CCDC178: variants seen among roughly 807,000 people sequenced by gnomAD.
The protein encoded by CCDC178 is coiled-coil domain containing 178, also known as coiled-coil domain-containing protein 178.
In CCDC178, 126 loss-of-function variants were observed where a neutral mutation model predicts 117.4. The ratio of observed to expected loss-of-function variants is 1.07; its 90% CI spans 0.93 to 1.24. The LOEUF is 1.24. CCDC178 is among the 50% of genes most tolerant of loss of function. CCDC178 has a pLI of 0.00. For missense variants in CCDC178, 1,030 were observed against 986.9 expected (o/e 1.04, Z -0.59); for synonymous variants, 283 against 313.4 (o/e 0.90, Z 1.02).
At chr18:33,312,916 C>T (rs1268621368) in intron 11 of CCDC178, among the ~76,000 whole-genome samples, 2 of 152,152 alleles carry the variant, frequency 1.3e-5, no homozygotes, top group Non-Finnish European at 2.9e-5. Context: ...GAAGTATACT[C>T]CAGTGGGCCA....
intron 4 of CCDC178, 70 bp downstream of exon 4, chr18:33,397,079 A>G: frequency 1.0e-6 from 1 of 985,172 alleles, no homozygotes; most frequent in Non-Finnish European, 1.6e-6. Context: ...TCATGCTTAT[A>G]ATTTTTTGAA....
chr18:33,413,631 T>G (rs935371558), intron 2 of CCDC178, among the ~76,000 whole-genome samples: 2 of 152,120 alleles, frequency 1.3e-5, no homozygotes, highest in Non-Finnish European at 2.9e-5. Context: ...AAGGAATACC[T>G]AGTTCCAGAT....
intron 4 of CCDC178, among the ~76,000 whole-genome samples, chr18:33,394,162 G>T (rs7227891): frequency 0.95 from 144,259 of 151,972 alleles, 68,914 homozygotes; most frequent in Middle Eastern, 1. Context: ...AAACATCAGT[G>T]TCATGGTATC....
chr18:33,387,189 T>C (rs138984108), intron 5 of CCDC178, among the ~76,000 whole-genome samples: 1 of 152,188 alleles, frequency 6.6e-6, no homozygotes, highest in African/African-American at 2.4e-5. Flanking sequence ...TACAAACCAC[T>C]GCTCAAGGAT....
At chr18:33,047,643 G>C (rs2056668695) in intron 21 of CCDC178, among the ~76,000 whole-genome samples, 1 of 152,022 alleles carries the variant, frequency 6.6e-6, no homozygotes. Flanking sequence ...TGATCTTCAT[G>C]TCCCTTTGTA....
intron 22 of CCDC178, among the ~76,000 whole-genome samples, chr18:32,967,849 T>C (rs1339553589): frequency 6.6e-6 from 1 of 151,574 alleles, no homozygotes; most frequent in Non-Finnish European, 1.5e-5. Context: ...AATTTTCATA[T>C]ATACTTTTGT....
intron 22 of CCDC178, among the ~76,000 whole-genome samples, chr18:32,946,397 G>T (rs1017748610): frequency 6.6e-6 from 1 of 152,070 alleles, no homozygotes; most frequent in African/African-American, 2.4e-5. Context: ...TTAAGACAGA[G>T]AAATATCATT....
chr18:33,158,050 A>G (rs544933425), intron 20 of CCDC178, among the ~76,000 whole-genome samples: 4 of 152,240 alleles, frequency 2.6e-5, no homozygotes, highest in African/African-American at 9.6e-5. Flanking sequence ...GCTTTTGTAA[A>G]CACTAGATAC....
chr18:33,392,193 A>C (rs2063573623), intron 4 of CCDC178, among the ~76,000 whole-genome samples: 1 of 152,086 alleles, frequency 6.6e-6, no homozygotes, highest in African/African-American at 2.4e-5. Context: ...AACTGCAAAA[A>C]AAATCTTCCT....
rs111763000 is a variant in CCDC178, at chr18:33,303,922, T to C, written c.1023-10610A>G. Reference sequence around the variant, plus strand: ...AGGGAGGAAAGCTTGAAGCATCCTATGCAGTTCATGGAATATTTGAAGAAG... The same window carrying C: ...AGGGAGGAAAGCTTGAAGCATCCTACGCAGTTCATGGAATATTTGAAGAAG... On this transcript the variant is annotated intron_variant, in intron 11 of 22. Coordinates refer to ENST00000383096, the MANE Select transcript of CCDC178 (RefSeq NM_001105528.4). Among the ~76,000 whole-genome samples the C allele has an allele frequency of 3.0e-3, 464 of 152,230 alleles. 1 individual carries two copies. The highest frequency in any genetic ancestry group is 4.8e-3 in the Non-Finnish European group (326 of 68,008).
chr18:33,017,160 CTA>C (rs1447103314), intron 21 of CCDC178, among the ~76,000 whole-genome samples: 5 of 151,762 alleles, frequency 3.3e-5, no homozygotes, highest in African/African-American at 1.2e-4. Flanking sequence ...AGAATGTAAA[CTA>C]TATTTACAGA....
chr18:33,318,998 A>G (rs1208852096), intron 11 of CCDC178, among the ~76,000 whole-genome samples: 5 of 152,236 alleles, frequency 3.3e-5, no homozygotes, highest in Admixed American at 1.3e-4. Context: ...AGGTTATGCT[A>G]AAGGATCTAC....
At chr18:33,127,183 T>C (rs981387324) in intron 20 of CCDC178, among the ~76,000 whole-genome samples, 2 of 152,040 alleles carry the variant, frequency 1.3e-5, no homozygotes, top group African/African-American at 4.8e-5. Flanking sequence ...TTTTCAGTTA[T>C]TTAAAAATAT....
intron 2 of CCDC178, among the ~76,000 whole-genome samples, chr18:33,433,478 G>A (rs1334261531): frequency 6.6e-6 from 1 of 152,010 alleles, no homozygotes; most frequent in Non-Finnish European, 1.5e-5. Context: ...TTGAAAACAG[G>A]TAATACACTG....
intron 6 of CCDC178, among the ~76,000 whole-genome samples, chr18:33,359,376 A>T (rs2063097395): frequency 1.3e-5 from 2 of 151,768 alleles, no homozygotes; most frequent in Admixed American, 1.3e-4. Flanking sequence ...GTAACAAAGA[A>T]ATAATTAAAA....
chr18:33,061,231 G>A (rs970937492), intron 21 of CCDC178, among the ~76,000 whole-genome samples: 1 of 151,736 alleles, frequency 6.6e-6, no homozygotes, highest in African/African-American at 2.4e-5. Context: ...ATATCAGACT[G>A]GTAATTTTTT....
At chr18:33,438,543 A>AACAC (rs139786250) in intron 2 of CCDC178, among the ~76,000 whole-genome samples, 1,716 of 148,466 alleles carry the variant, frequency 0.012, 22 homozygotes, top group Non-Finnish European at 0.013. Flanking sequence ...ACACACGGCA[A>AACAC]ACACACACAC....
intron 12 of CCDC178, among the ~76,000 whole-genome samples, chr18:33,286,712 T>G (rs944604971): frequency 7.2e-5 from 11 of 152,174 alleles, no homozygotes; most frequent in Admixed American, 1.3e-4. Context: ...ATGCAACATT[T>G]ATATGAAAAC....
At chr18:32,992,920 C>T (rs1374593466) in intron 21 of CCDC178, among the ~76,000 whole-genome samples, 1 of 152,172 alleles carries the variant, frequency 6.6e-6, no homozygotes, top group Non-Finnish European at 1.5e-5. Flanking sequence ...AATCCCAGCA[C>T]TTTGGGAGGC....
Sources: gnomAD v4.1 joint callset for allele counts (sites outside exome capture counted in the v4.1 genomes callset) on GRCh38, gnomAD v4.1.1 for gene constraint, MANE v1.5 for transcripts, NCBI Gene and HGNC (gene_info 2026-07-23, HGNC 2026-07-21) for gene names.